The following CPSF2 variants were observed in gnomAD, a reference collection of about 807,000 sequenced individuals.
The protein encoded by CPSF2 is cleavage and polyadenylation specific factor 2.
CPSF2 carries 51 observed loss-of-function variants against 84.2 expected under a neutral mutation model. The ratio of observed to expected loss-of-function variants is 0.61; its 90% confidence interval spans 0.48 to 0.77. CPSF2 has a LOEUF of 0.77. CPSF2 is among the 30% of genes least tolerant of loss of function. The pLI is 0.00. For synonymous variants in CPSF2, 286 were observed against 311.9 expected, an observed-to-expected ratio of 0.92 and a Z score of 0.87; for missense variants, 641 against 929.4, an observed-to-expected ratio of 0.69 and a Z score of 4.03.
intron 9 of CPSF2, among the ~76,000 whole-genome samples, chr14:92,146,433 A>C (rs2069145075): frequency 6.6e-6 from 1 of 152,184 alleles, no homozygotes. Flanking sequence ...AGGCAGGAGA[A>C]TCGCTTGAAC....
chr14:92,128,971 G>T (rs1308321328), intron 2 of CPSF2, among the ~76,000 whole-genome samples: 1 of 152,136 alleles, frequency 6.6e-6, no homozygotes, highest in Non-Finnish European at 1.5e-5. Flanking sequence ...AGTGAATGAG[G>T]CCAGGTGAAT....
intron 7 of CPSF2, among the ~76,000 whole-genome samples, chr14:92,141,909 T>G (rs562709811): frequency 6.6e-6 from 1 of 152,264 alleles, no homozygotes; most frequent in Admixed American, 6.5e-5. Context: ...TATAAAGTGT[T>G]GAGGACTACT....
Position 92,159,148 on chromosome 14 carries a change from C to G in CPSF2, c.1987C>G (p.Gln663Glu), listed in dbSNP as rs2069332741. The change falls in exon 14 of 16, where the codon CAA becomes GAA. Residue 663 changes from glutamine to glutamate, a missense_variant. Transcript: ENST00000298875. Reference sequence around the variant, plus strand: ...GGATGATGGAGAAGACTCAGAGATGCAAGTGGAAGCTCCCTCAGATTCTAG... The same window carrying G: ...GGATGATGGAGAAGACTCAGAGATGGAAGTGGAAGCTCCCTCAGATTCTAG... ...LKDDGEDSEM[Q>E]VEAPSDSSVI... 1 of 1,613,990 alleles carries G rather than the reference C, an allele frequency of 6.2e-7. No homozygotes were observed. The highest frequency in any genetic ancestry group is 8.5e-7 in the Non-Finnish European group (1 of 1,179,972).
rs1259090136 is a variant in CPSF2 at position 92,167,469 on chromosome 14, TG to T, written c.*5726del. On this transcript the variant is annotated 3_prime_UTR_variant, in exon 16 of 16. Coordinates refer to ENST00000298875, the MANE Select transcript of CPSF2 (RefSeq NM_017437.3). Reference sequence around the variant, plus strand: ...CCCACTTATTTTAGTATTGAATGAATGACCCTGTACAAGGAAAGGGATTTGC... The same window carrying T: ...CCCACTTATTTTAGTATTGAATGAATACCCTGTACAAGGAAAGGGATTTGC... The T allele has an allele frequency of 1.3e-5, 2 of 152,236 alleles. No individual in the cohort carries two copies. Among genetic ancestry groups the T allele is most frequent in the African/African-American group, 4.8e-5 (2 of 41,464 alleles). 9.4% of individuals were successfully genotyped at this position (152,236 alleles called of 1,614,324 possible).
chr14:92,130,281 G>A lies in CPSF2; in HGVS notation c.-34-670G>A, dbSNP rs930291212. Among the ~76,000 whole-genome samples, 3 of 151,898 alleles carry A rather than the reference G, an allele frequency of 2.0e-5. No homozygotes were observed. In the East Asian group the frequency reaches 5.8e-4, roughly 29 times the overall value. ...GTACTCTTGTTTTTTGTTTGAGTGT[G>A]TTGAGAGTTGGTGGGGGAGGGGGAG... On this transcript the variant is annotated intron_variant, in intron 2 of 15. Coordinates refer to ENST00000298875, the MANE Select transcript of CPSF2 (RefSeq NM_017437.3).
chr14:92,143,931 T>A (rs2069112634), intron 9 of CPSF2, among the ~76,000 whole-genome samples: 1 of 152,206 alleles, frequency 6.6e-6, no homozygotes, highest in Admixed American at 6.5e-5. Flanking sequence ...GTTCCTTTCC[T>A]GTCTCTTGCT....
chr14:92,124,502 G>C (rs1293331861), intron 1 of CPSF2, among the ~76,000 whole-genome samples: 1 of 152,200 alleles, frequency 6.6e-6, no homozygotes, highest in East Asian at 1.9e-4. Flanking sequence ...GTCTGGGAGA[G>C]TAAATGGTTG....
At chr14:92,136,295 A>G (rs1013584851) in intron 6 of CPSF2, among the ~76,000 whole-genome samples, 1 of 152,238 alleles carries the variant, frequency 6.6e-6, no homozygotes, top group Non-Finnish European at 1.5e-5. Context: ...TTAGACACTT[A>G]TAACCATAGA....
chr14:92,139,950 ATTTT>A (rs34354391), intron 7 of CPSF2, among the ~76,000 whole-genome samples: 1 of 97,634 alleles, frequency 1.0e-5, no homozygotes, highest in African/African-American at 4.0e-5. Context: ...AAGTACAACT[ATTTT>A]TTTTTTTTTT....
At chr14:92,139,023 T>C (rs757410711) in intron 7 of CPSF2, among the ~76,000 whole-genome samples, 5 of 152,222 alleles carry the variant, frequency 3.3e-5, no homozygotes, top group African/African-American at 7.2e-5. Context: ...AAAGATTGGC[T>C]TCTTTTTGCC....
intron 9 of CPSF2, among the ~76,000 whole-genome samples, chr14:92,146,048 G>C (rs544257210): frequency 6.6e-6 from 1 of 152,236 alleles, no homozygotes; most frequent in African/African-American, 2.4e-5. Context: ...CAAAAATTTG[G>C]AAGTTTAAAA....
Position 92,147,300 on chromosome 14 carries a change from A to G in CPSF2, c.1140+4006A>G, listed in dbSNP as rs2069156284. ...TATGGTATTTTTTCATCTATATCTAATGCCCTTCTAAGTCAAGTCTTACTC... is the reference window on the plus strand; with the variant it reads ...TATGGTATTTTTTCATCTATATCTAGTGCCCTTCTAAGTCAAGTCTTACTC... On this transcript the variant is annotated intron_variant, in intron 9 of 15. Coordinates refer to ENST00000298875, the MANE Select transcript of CPSF2 (RefSeq NM_017437.3). Among the ~76,000 whole-genome samples the G allele has an allele frequency of 2.0e-5, 3 of 152,226 alleles. 1 individual carries two copies. The South Asian group carries it at 6.2e-4, about 31-fold the overall frequency.
At chr14:92,154,201 A>G (rs2069259061) in intron 9 of CPSF2, 157 bp from the exon 10 acceptor site, 3 of 545,898 alleles carry the variant, frequency 5.5e-6, no homozygotes, top group South Asian at 2.7e-5. Context: ...AATAGGACCT[A>G]TAATTGTATG....
intron 6 of CPSF2, 78 bp downstream of exon 6, chr14:92,135,574 G>T: frequency 6.9e-7 from 1 of 1,451,846 alleles, no homozygotes; most frequent in Non-Finnish European, 9.2e-7. Flanking sequence ...AAGAAACACA[G>T]TTTTTGTTTT....
intron 11 of CPSF2, 105 bp from the exon 12 acceptor site, chr14:92,156,374 C>A: frequency 1.3e-6 from 1 of 770,638 alleles, no homozygotes; most frequent in Non-Finnish European, 2.0e-6. Flanking sequence ...ATATTTAAAT[C>A]TTGAGATATG....
chr14:92,157,738 C>T lies in CPSF2; in HGVS notation c.1675C>T (p.Arg559Ter), dbSNP rs569405434. 1.2e-5 allele frequency: 20 copies of T among 1,613,996 alleles called. No individual in the cohort carries two copies. Among genetic ancestry groups the T allele is most frequent in the East Asian group, 2.2e-5 (1 of 44,864 alleles). ...AAAAATCATTAATCAGATGAAACCA[C>T]GACAGTTGATCATCGTCCATGGCCC... The part of the protein sequence containing the change: ...IKKIINQMKP[R>*]QLIIVHGPPE... The change falls in exon 13 of 16, where the codon CGA (arginine) becomes TGA (stop). Residue 559 changes from arginine to a stop codon, truncating the protein, a stop_gained. Coordinates refer to ENST00000298875, the MANE Select transcript of CPSF2 (RefSeq NM_017437.3). LOFTEE classifies it high-confidence loss of function. The surrounding 1 kb of genome is among the most constrained non-coding windows in gnomAD (Gnocchi z 4.0).
Position 92,165,888 on chromosome 14 carries a change from G to A in CPSF2, c.*4144G>A, listed in dbSNP as rs1219912276. 1.8e-5 allele frequency: 1 copy of A among 55,942 alleles called. No homozygotes were observed. Among genetic ancestry groups the A allele is most frequent in the Non-Finnish European group, 2.9e-5 (1 of 34,758 alleles). 3.5% of individuals were successfully genotyped at this position (55,942 alleles called of 1,614,324 possible). On this transcript the variant is annotated 3_prime_UTR_variant, in exon 16 of 16. Transcript: ENST00000298875. ...TTTTTTTTTTTTTTTTTGAGATGGA[G>A]TCTTGCTTTGTCACCCAGGCTGGAG...
intron 1 of CPSF2, among the ~76,000 whole-genome samples, chr14:92,124,997 T>A (rs541026010): frequency 3.7e-4 from 56 of 152,176 alleles, no homozygotes; most frequent in Non-Finnish European, 7.6e-4. Flanking sequence ...CATTGAGCAG[T>A]GATGTCAGGG....
chr14:92,158,902 G>C, intron 13 of CPSF2, 81 bp from the exon 14 acceptor site: 1 of 1,287,626 alleles, frequency 7.8e-7, no homozygotes, highest in Non-Finnish European at 1.1e-6. Context: ...ACCAGAGGTA[G>C]AAAATGATAA....
Sources: allele counts gnomAD v4.1 joint callset (sites outside exome capture counted in the v4.1 genomes callset), GRCh38; gene constraint gnomAD v4.1.1; non-coding constraint Gnocchi (gnomAD v3.1); transcripts MANE v1.5; gene names NCBI Gene and HGNC (gene_info 2026-07-23, HGNC 2026-07-21).